The following MAPK10 variants were observed in gnomAD, a reference collection of about 807,000 sequenced individuals.
MAPK10 encodes JNK3 alpha protein kinase.
Under a neutral mutation model 59.3 loss-of-function variants are expected in MAPK10, and 25 were observed. The observed-to-expected ratio is 0.42, with a 90% CI of 0.31 to 0.59. The LOEUF (loss-of-function observed/expected upper bound fraction) is 0.59, where lower values mean the gene tolerates loss of function less well. Among genes scored for constraint, MAPK10 ranks in the 20% least tolerant of loss-of-function variants. MAPK10 has a pLI of 0.15. For synonymous variants in MAPK10, 190 were observed against 200.5 expected (o/e 0.95, Z 0.44); for missense variants, 351 against 568.9 (o/e 0.62, Z 3.90).
intron 1 of MAPK10, among the ~76,000 whole-genome samples, chr4:86,513,944 T>C (rs1270123636): frequency 6.6e-6 from 1 of 152,096 alleles, no homozygotes; most frequent in Non-Finnish European, 1.5e-5. Flanking sequence ...TGATACTGAC[T>C]CCTACTTGCC....
At chr4:86,592,719 C>G (rs77022006) in intron 1 of MAPK10, among the ~76,000 whole-genome samples, 7,091 of 152,288 alleles carry the variant, frequency 0.047, 223 homozygotes, top group African/African-American at 0.061. Flanking sequence ...ACTTTCACCA[C>G]TTATCCCTGC....
At chr4:86,266,867 A>G (rs887320339) in intron 2 of MAPK10, among the ~76,000 whole-genome samples, 8 of 152,030 alleles carry the variant, frequency 5.3e-5, no homozygotes. Context: ...GTTATATAAT[A>G]TTATATAATA....
At chr4:86,196,273 G>A (rs2081287291) in intron 2 of MAPK10, among the ~76,000 whole-genome samples, 1 of 152,170 alleles carries the variant, frequency 6.6e-6, no homozygotes, top group Admixed American at 6.6e-5. Flanking sequence ...ACTGGCATGA[G>A]ATGTTATCTT....
intron 1 of MAPK10, among the ~76,000 whole-genome samples, chr4:86,440,627 CA>C (rs59183601): frequency 0.3 from 32,232 of 108,438 alleles, 3,903 homozygotes; most frequent in South Asian, 0.51. Flanking sequence ...GATCCTGTCT[CA>C]AAAAAAAAAA....
At chr4:86,382,149 C>T (rs1340290380) in intron 1 of MAPK10, among the ~76,000 whole-genome samples, 1 of 152,036 alleles carries the variant, frequency 6.6e-6, no homozygotes. Context: ...TGCCAAATGT[C>T]CCTGGGGTGC....
intron 1 of MAPK10, among the ~76,000 whole-genome samples, chr4:86,567,111 A>G (rs956291068): frequency 1.3e-5 from 2 of 152,188 alleles, no homozygotes; most frequent in Non-Finnish European, 2.9e-5. Flanking sequence ...TTTGGTGTAC[A>G]TCTTTCAAGA....
intron 4 of MAPK10, among the ~76,000 whole-genome samples, chr4:86,132,811 C>T (rs1267065919): frequency 6.6e-6 from 1 of 152,164 alleles, no homozygotes; most frequent in East Asian, 1.9e-4. Flanking sequence ...CTGTCACTGT[C>T]TCCTATAACC....
intron 1 of MAPK10, among the ~76,000 whole-genome samples, chr4:86,552,928 A>T (rs1426214281): frequency 6.6e-6 from 1 of 151,968 alleles, no homozygotes; most frequent in Non-Finnish European, 1.5e-5. Context: ...CATCCATGAG[A>T]CTTGTAGGGG....
At chr4:86,382,961 T>C (rs1157588121) in intron 1 of MAPK10, among the ~76,000 whole-genome samples, 2 of 152,138 alleles carry the variant, frequency 1.3e-5, no homozygotes, top group Non-Finnish European at 2.9e-5. Context: ...ATTTTCCTCA[T>C]CAGTAGAATA....
At chr4:86,336,509 G>A (rs1450907728) in intron 2 of MAPK10, 1 of 152,122 alleles carries the variant, frequency 6.6e-6, no homozygotes, top group Non-Finnish European at 1.5e-5. Context: ...AACAGTGTTG[G>A]AAGGGACAAA....
chr4:86,229,983 C>T (rs769167144), intron 2 of MAPK10, among the ~76,000 whole-genome samples: 4 of 152,136 alleles, frequency 2.6e-5, no homozygotes, highest in Non-Finnish European at 4.4e-5. Flanking sequence ...ATTGCTTGAG[C>T]CCATGAGGTC....
intron 2 of MAPK10, among the ~76,000 whole-genome samples, chr4:86,354,317 C>G (rs1001773929): frequency 3.3e-5 from 5 of 152,196 alleles, no homozygotes; most frequent in Non-Finnish European, 1.5e-5. Flanking sequence ...ATATGCTGCA[C>G]CCATGCACCT....
chr4:86,481,173 T>C (rs1207875867), intron 1 of MAPK10, among the ~76,000 whole-genome samples: 1 of 152,146 alleles, frequency 6.6e-6, no homozygotes, highest in Non-Finnish European at 1.5e-5. Flanking sequence ...TGTAGCTGTC[T>C]TTGGAGGAAA....
At chr4:86,284,915 T>A (rs936509510) in intron 2 of MAPK10, among the ~76,000 whole-genome samples, 34 of 152,206 alleles carry the variant, frequency 2.2e-4, no homozygotes, top group African/African-American at 6.8e-4. Flanking sequence ...GAATAAAAAG[T>A]CTTCATAGCT....
chr4:86,291,812 A>T (rs2095236898), intron 2 of MAPK10, among the ~76,000 whole-genome samples: 1 of 152,190 alleles, frequency 6.6e-6, no homozygotes, highest in African/African-American at 2.4e-5. Context: ...TGCAAGTGCT[A>T]ATGCTATAAA....
intron 2 of MAPK10, among the ~76,000 whole-genome samples, chr4:86,244,518 G>T (rs2148696746): frequency 6.6e-6 from 1 of 152,282 alleles, no homozygotes; most frequent in Admixed American, 6.5e-5. Context: ...TGAAGGTCGA[G>T]TTCTAGTGTT....
chr4:86,575,658 G>A (rs1023528117), intron 1 of MAPK10, among the ~76,000 whole-genome samples: 2 of 151,448 alleles, frequency 1.3e-5, no homozygotes, highest in African/African-American at 4.8e-5. Flanking sequence ...ATCATATGTT[G>A]TTTTTGTTTT....
At chr4:86,308,384 G>C (rs1057435363) in intron 2 of MAPK10, among the ~76,000 whole-genome samples, 65 of 152,138 alleles carry the variant, frequency 4.3e-4, no homozygotes, top group African/African-American at 1.5e-3. Context: ...CTATATTTCT[G>C]CTATAGCTTA....
At chr4:86,398,429 A>G (rs1420375116) in intron 1 of MAPK10, among the ~76,000 whole-genome samples, 1 of 152,154 alleles carries the variant, frequency 6.6e-6, no homozygotes, top group Non-Finnish European at 1.5e-5. Context: ...ACAAAGTAAA[A>G]TTCCTTTTCT....
Sources: gnomAD v4.1 joint callset for allele counts (sites outside exome capture counted in the v4.1 genomes callset) on GRCh38, gnomAD v4.1.1 for gene constraint, MANE v1.5 for transcripts, NCBI Gene and HGNC (gene_info 2026-07-23, HGNC 2026-07-21) for gene names.